MCF2L: variants seen among roughly 807,000 people sequenced by gnomAD.
The protein encoded by MCF2L is guanine nucleotide exchange factor DBS.
A neutral mutation model predicts 153.4 loss-of-function variants in MCF2L; 97 were observed. That is an observed-to-expected ratio of 0.63 (90% confidence interval 0.54 to 0.75). The LOEUF (loss-of-function observed/expected upper bound fraction) is 0.75, where lower values mean the gene tolerates loss of function less well. Among genes scored for constraint, MCF2L ranks in the 30% least tolerant of loss-of-function variants. The pLI, the probability that MCF2L is intolerant of heterozygous loss-of-function variation, is 0.00. For synonymous variants in MCF2L, 659 were observed against 632.2 expected (o/e 1.04, Z -0.64); for missense variants, 1,347 against 1,495.2 (o/e 0.90, Z 1.64).
At chr13:113,047,657 G>C (rs565335484) in intron 4 of MCF2L, among the ~76,000 whole-genome samples, 1 of 152,178 alleles carries the variant, frequency 6.6e-6, no homozygotes, top group Non-Finnish European at 1.5e-5. Flanking sequence ...GGGCACTTGC[G>C]GTGTCAGGAC....
At position 113,074,672 on chromosome 13, in the gene MCF2L, A is replaced by T; in HGVS notation, c.1116+109A>T. On this transcript the variant is annotated intron_variant, in intron 10 of 29. Coordinates refer to ENST00000535094, the MANE Select transcript of MCF2L (RefSeq NM_001112732.3). The surrounding 1 kb of genome is among the most constrained non-coding windows in gnomAD (Gnocchi z 4.2). ...CCCGCCTACGGAGAACGGACCCCAC[A>T]GCCCCCCGGGGATGTCCATGGGGTG... 1.3e-6 allele frequency: 2 copies of T among 1,487,362 alleles called. No individual in the cohort carries two copies. Among genetic ancestry groups the T allele is most frequent in the Non-Finnish European group, 1.8e-6 (2 of 1,097,386 alleles). The allele number at this position is 1,487,362 out of a possible 1,614,324, so 92.1% of individuals were successfully genotyped here. A position where few individuals can be genotyped will look rare whatever the true frequency, so the allele number is the denominator to read the frequency against.
chr13:112,902,158 C>T lies in MCF2L; in HGVS notation c.-4-41C>T, dbSNP rs1184100129. ...GAGCAACAGTTCTTAAGTCTTTCTG[C>T]AGCATGACCTCATCGTGCTTTTAAA... On this transcript the variant is annotated intron_variant, in intron 1 of 29. Transcript: ENST00000375608. 10 of 1,536,768 alleles carry T rather than the reference C, an allele frequency of 6.5e-6. No homozygotes were observed. The South Asian group carries it at 1.1e-4, about 18-fold the overall frequency.
At chr13:112,930,102 T>G (rs951683719) in intron 2 of MCF2L, among the ~76,000 whole-genome samples, 1 of 152,154 alleles carries the variant, frequency 6.6e-6, no homozygotes. Context: ...TCTCGTTCAC[T>G]GGGATGGAGC....
chr13:112,980,600 C>A (rs1023698686), intron 1 of MCF2L, among the ~76,000 whole-genome samples: 5 of 106,516 alleles, frequency 4.7e-5, no homozygotes, highest in African/African-American at 1.5e-4. Flanking sequence ...CCAGGAGGGC[C>A]ACCATGCGCA....
chr13:112,901,444 A>G (rs1419792451), intron 1 of MCF2L, among the ~76,000 whole-genome samples: 1 of 152,196 alleles, frequency 6.6e-6, no homozygotes, highest in African/African-American at 2.4e-5. Flanking sequence ...GTGAGCCACA[A>G]TACGGTTTAT....
At chr13:113,015,570 C>A (rs577415949) in intron 2 of MCF2L, among the ~76,000 whole-genome samples, 1 of 152,168 alleles carries the variant, frequency 6.6e-6, no homozygotes, top group Non-Finnish European at 1.5e-5. Flanking sequence ...GTCAGCATCC[C>A]GGCCCCCAAT....
chr13:113,026,685 C>T lies in MCF2L; in HGVS notation c.278+1927C>T, dbSNP rs2993307. On this transcript the variant is annotated intron_variant, in intron 3 of 29. Transcript: ENST00000535094. ...GCCCGTCCACGTGGCCTCTCTGTGT[C>T]GTGGTCAGGCCCTGGGGGCGTGGCC... 1.2e-3 allele frequency among the ~76,000 whole-genome samples: 176 copies of T among 152,278 alleles called. 1 individual carries two copies. The highest frequency in any genetic ancestry group is 4.1e-3 in the African/African-American group (170 of 41,576).
intron 2 of MCF2L, among the ~76,000 whole-genome samples, chr13:112,962,667 C>T (rs957337720): frequency 1.3e-5 from 2 of 152,224 alleles, no homozygotes. Flanking sequence ...GGAGCAAAAC[C>T]CCTGAAGGCC....
rs543338535 is a variant in MCF2L, at chr13:113,014,739, G to A, written c.80-24G>A. On this transcript the variant is annotated intron_variant, in intron 1 of 29. Transcript: ENST00000535094. ...TGAGGCAGCTTCCTGGGACTGACAC[G>A]TGCCGTCTGCTCTTTCCGTGCAGAT... 5 of 1,606,576 alleles carry A rather than the reference G, an allele frequency of 3.1e-6. No individual in the cohort carries two copies. In the African/African-American group the frequency reaches 4.0e-5, roughly 13 times the overall value.
chr13:112,927,561 T>A (rs538516286), intron 2 of MCF2L, among the ~76,000 whole-genome samples: 30 of 152,314 alleles, frequency 2.0e-4, no homozygotes, highest in African/African-American at 7.0e-4. Flanking sequence ...AATGACTCTT[T>A]ATAAAACATC....
intron 1 of MCF2L, among the ~76,000 whole-genome samples, chr13:112,984,521 A>T (rs1185323387): frequency 1.3e-5 from 2 of 152,132 alleles, no homozygotes; most frequent in Non-Finnish European, 2.9e-5. Flanking sequence ...TACAGGCATG[A>T]GCCATTGCGC....
intron 15 of MCF2L, among the ~76,000 whole-genome samples, chr13:113,080,335 G>A (rs1428613844): frequency 6.6e-6 from 1 of 152,188 alleles, no homozygotes; most frequent in Admixed American, 6.5e-5. Context: ...CCGCAGGGAG[G>A]AGCAGCAAGT....
chr13:113,095,316 C>T, intron 27 of MCF2L: 1 of 1,175,476 alleles, frequency 8.5e-7, no homozygotes, highest in Non-Finnish European at 1.1e-6. Context: ...GCAGAGAAGC[C>T]AGGCGTGGAA....
intron 1 of MCF2L, among the ~76,000 whole-genome samples, chr13:113,012,492 CGGTGGACAGGCTGGGTGGAT>C (rs2084215837): frequency 9.6e-6 from 1 of 104,652 alleles, no homozygotes; most frequent in Non-Finnish European, 2.0e-5. Context: ...GCGGTGTGGA[CGGTGGACAGGCTGGGTGGAT>C]GGTGGACACT....
chr13:112,949,343 T>C (rs2081667809), intron 2 of MCF2L, among the ~76,000 whole-genome samples: 1 of 152,076 alleles, frequency 6.6e-6, no homozygotes, highest in African/African-American at 2.4e-5. Context: ...CACAATCTTT[T>C]CCAAAAAATA....
chr13:113,047,551 A>G (rs1453649516), intron 4 of MCF2L, among the ~76,000 whole-genome samples: 1 of 152,272 alleles, frequency 6.6e-6, no homozygotes, highest in Non-Finnish European at 1.5e-5. Flanking sequence ...CAACACCGTT[A>G]CAGCCGCATC....
chr13:113,072,268 T>C (rs2032993117), intron 9 of MCF2L, among the ~76,000 whole-genome samples: 2 of 152,200 alleles, frequency 1.3e-5, no homozygotes, highest in South Asian at 4.1e-4. Context: ...GACCATCATG[T>C]CATGTGCAAA....
chr13:112,957,764 C>T (rs2081776429), intron 2 of MCF2L: 1 of 152,170 alleles, frequency 6.6e-6, no homozygotes, highest in Admixed American at 6.5e-5. Flanking sequence ...TCTCTTCTTC[C>T]ACCTTGTGTA....
rs1222145570 is a variant in MCF2L at position 113,082,497 on chromosome 13, A to T, written c.1946A>T (p.Asp649Val). Reference protein sequence around the residue: ...LLSTGLHNKKDVLFGNMEEIY... With the variant: ...LLSTGLHNKKVVLFGNMEEIY... Reference sequence around the variant, plus strand: ...TCAACAGGCCTTCACAACAAGAAGGATGTTTTGTTTGGAAACATGGAGGAA... The same window carrying T: ...TCAACAGGCCTTCACAACAAGAAGGTTGTTTTGTTTGGAAACATGGAGGAA... The change falls in exon 17 of 30, where the codon GAT becomes GTT. Residue 649 changes from aspartate (D) to valine (V), a missense_variant. This residue lies in a region of MCF2L where 820 missense variants were observed against 921.2 expected (regional missense o/e 0.89). Coordinates refer to ENST00000535094, the MANE Select transcript of MCF2L (RefSeq NM_001112732.3). 1.2e-6 allele frequency: 2 copies of T among 1,613,964 alleles called. No individual in the cohort carries two copies. Among genetic ancestry groups the T allele is most frequent in the Non-Finnish European group, 1.7e-6 (2 of 1,179,870 alleles).
Sources: allele counts gnomAD v4.1 joint callset (sites outside exome capture counted in the v4.1 genomes callset), GRCh38; gene constraint gnomAD v4.1.1; regional missense constraint gnomAD v4.1.1; non-coding constraint Gnocchi (gnomAD v3.1); transcripts MANE v1.5; gene names NCBI Gene and HGNC (gene_info 2026-07-23, HGNC 2026-07-21).